The following BRCA1 variants were observed in gnomAD, a reference collection of about 807,000 sequenced individuals.
BRCA1 encodes the protein breast cancer type 1 susceptibility protein.
BRCA1 carries 140 observed loss-of-function variants against 173.7 expected under a neutral mutation model. The ratio of observed to expected loss-of-function variants is 0.81; its 90% CI spans 0.70 to 0.93. BRCA1 has a LOEUF of 0.93. Among genes scored for constraint, BRCA1 ranks in the 40% least tolerant of loss-of-function variants. The pLI, the probability that BRCA1 is intolerant of heterozygous loss-of-function variation, is 0.00. For synonymous variants in BRCA1, 662 were observed against 756.0 expected, an observed-to-expected ratio of 0.88 and a Z score of 2.04; for missense variants, 1,983 against 2,172.5, an observed-to-expected ratio of 0.91 and a Z score of 1.73.
upstream of BRCA1, among the ~76,000 whole-genome samples, chr17:43,129,906 C>G (rs145285878): frequency 1.4e-4 from 22 of 152,260 alleles, no homozygotes; most frequent in East Asian, 2.3e-3. Context: ...CAAATTTTAA[C>G]GACCCCAGTA....
At chr17:43,064,047 C>G in intron 16 of BRCA1, 96 bp from the exon 17 acceptor site, 2 of 962,722 alleles carry the variant, frequency 2.1e-6, no homozygotes, top group Non-Finnish European at 3.3e-6. Flanking sequence ...TTTACACTCC[C>G]AAGATCAATC....
rs773524529 is a variant in BRCA1 at position 43,071,145 on chromosome 17, A to G, written c.4769T>C (p.Val1590Ala). Residue 1590 changes from valine to alanine, a missense_variant, in exon 15 of 23, where the codon GTT (valine) becomes GCT (alanine). By Grantham distance (64) the Val-to-Ala change is moderately conservative (BLOSUM62 0). Transcript: ENST00000357654. ...SEDRAPESAR[V>A]GNIPSSTSAL... The stretch of plus-strand genomic sequence containing the variant: ...AGAGGTTGAAGATGGTATGTTGCCA[A>G]CACGAGCTGACTCTGGGGCTCTGTC... 6.2e-7 allele frequency: 1 copy of G among 1,614,246 alleles called. No homozygotes were observed. Among genetic ancestry groups the G allele is most frequent in the South Asian group, 1.1e-5 (1 of 91,088 alleles).
intron 1 of BRCA1, chr17:43,165,768 G>T (rs2056262663): frequency 7.3e-6 from 1 of 136,358 alleles, no homozygotes; most frequent in Admixed American, 7.6e-5. Context: ...CTTTTCCAAA[G>T]CGAACCTTTT....
At chr17:43,140,047 A>T (rs2056064096) in intron 1 of BRCA1, 3 of 396,732 alleles carry the variant, frequency 7.6e-6, no homozygotes, top group South Asian at 1.8e-5. Flanking sequence ...AAAATACCTA[A>T]CTATGGTTGG....
At position 43,091,915 on chromosome 17, in the gene BRCA1, C is replaced by T. The variant is rs1555587407; in HGVS notation, c.3616G>A (p.Ala1206Thr). ...THLAQGYRRG[A>T]KKLESSEENL... ...TCTTCTGAGGACTCTAATTTCTTGGCCCCTCTTCGGTAACCCTGAGCCAAA... is the reference window on the plus strand; with the variant it reads ...TCTTCTGAGGACTCTAATTTCTTGGTCCCTCTTCGGTAACCCTGAGCCAAA... The change falls in exon 10 of 23, where the codon GCC (alanine) becomes ACC (threonine). Residue 1206 changes from alanine to threonine, a missense_variant. Transcript: ENST00000357654. 1.2e-6 allele frequency: 2 copies of T among 1,614,122 alleles called. No homozygotes were observed. Among genetic ancestry groups the T allele is most frequent in the East Asian group, 2.2e-5 (1 of 44,880 alleles).
At chr17:43,072,029 T>A (rs1290563616) in intron 14 of BRCA1, among the ~76,000 whole-genome samples, 1 of 149,894 alleles carries the variant, frequency 6.7e-6, no homozygotes, top group Non-Finnish European at 1.5e-5. Flanking sequence ...TAAATAAAAA[T>A]AAATAAATAA....
rs1294360179 is a variant in BRCA1 at position 43,091,998 on chromosome 17, C to T, written c.3533G>A (p.Ser1178Asn). 2 of 1,613,934 alleles carry T rather than the reference C, an allele frequency of 1.2e-6. No homozygotes were observed. Among genetic ancestry groups the T allele is most frequent in the African/African-American group, 2.7e-5 (2 of 74,918 alleles). ...NDIKESSAVFSKSVQKGELSR... is the reference protein window; with the variant it reads ...NDIKESSAVFNKSVQKGELSR... Reference sequence around the variant, plus strand: ...AAGCTCTCCTTTCTGGACGCTTTTGCTAAAAACAGCAGAACTTTCCTTAAT... The same window carrying T: ...AAGCTCTCCTTTCTGGACGCTTTTGTTAAAAACAGCAGAACTTTCCTTAAT... The change falls in exon 10 of 23, where the codon AGC (serine) becomes AAC (asparagine). Residue 1178 changes from serine to asparagine, a missense_variant. Transcript: ENST00000357654.
rs8176116 is a variant in BRCA1 at position 43,111,828 on chromosome 17, A to C, written c.134+3898T>G. Among the ~76,000 whole-genome samples the C allele has an allele frequency of 5.2e-3, 791 of 152,264 alleles. 3 individuals carry two copies. Among genetic ancestry groups the C allele is most frequent in the African/African-American group, 0.013 (547 of 41,544 alleles). On this transcript the variant is annotated intron_variant, in intron 3 of 22. Coordinates refer to ENST00000357654, the MANE Select transcript of BRCA1 (RefSeq NM_007294.4). The stretch of plus-strand genomic sequence containing the variant: ...CAGAGCGAGACTCCGTCTCAAAACA[A>C]AACAAACAAAAACAAACAAACAAAC...
chr17:43,139,386 T>G (rs931772437), intron 1 of BRCA1, among the ~76,000 whole-genome samples: 2 of 151,684 alleles, frequency 1.3e-5, no homozygotes, highest in Non-Finnish European at 1.5e-5. Context: ...TTTTTTGAGA[T>G]AGAGTCTCGC....
At chr17:43,139,575 C>T (rs1432668395) in intron 1 of BRCA1, among the ~76,000 whole-genome samples, 3 of 152,004 alleles carry the variant, frequency 2.0e-5, no homozygotes, top group African/African-American at 7.2e-5. Flanking sequence ...AGGCTGGTCT[C>T]GAACTCCTGA....
At chr17:43,162,258 G>T (rs2056241104) in intron 1 of BRCA1, 1 of 152,148 alleles carries the variant, frequency 6.6e-6, no homozygotes, top group African/African-American at 2.4e-5. Flanking sequence ...ATTTATGACA[G>T]ATGTACTTAT....
intron 1 of BRCA1, chr17:43,163,878 C>G (rs561814197): frequency 6.6e-6 from 1 of 152,350 alleles, no homozygotes; most frequent in South Asian, 2.1e-4. Flanking sequence ...GGATGGCCCT[C>G]GGGGGCTGAC....
chr17:43,097,144 T>C, intron 8 of BRCA1, 100 bp downstream of exon 8: 1 of 1,248,766 alleles, frequency 8.0e-7, no homozygotes, highest in South Asian at 1.3e-5. Context: ...GAACCTAAAA[T>C]AAAAGTTAAA....
intron 21 of BRCA1, 63 bp downstream of exon 21, chr17:43,049,058 C>A (rs2152901037): frequency 6.7e-7 from 1 of 1,487,848 alleles, no homozygotes; most frequent in Non-Finnish European, 9.4e-7. Flanking sequence ...CTGACAGGTG[C>A]CAGTCTTGCT....
intron 1 of BRCA1, chr17:43,161,405 GA>G (rs2056234974): frequency 6.6e-6 from 1 of 152,180 alleles, no homozygotes; most frequent in South Asian, 2.1e-4. Flanking sequence ...CTTTTCACGG[GA>G]AGCATAGACA....
chr17:43,158,189 G>T (rs917555050), intron 1 of BRCA1, among the ~76,000 whole-genome samples: 1 of 151,964 alleles, frequency 6.6e-6, no homozygotes, highest in African/African-American at 2.4e-5. Context: ...CTATTTTTAT[G>T]ACTCTGTCCC....
At chr17:43,056,655 GGAGTGA>G (rs1324101859) in intron 19 of BRCA1, among the ~76,000 whole-genome samples, 2 of 151,462 alleles carry the variant, frequency 1.3e-5, no homozygotes, top group Admixed American at 6.6e-5. Context: ...CCTGGGCAAT[GGAGTGA>G]GACTCCGTCT....
chr17:43,157,078 G>C (rs2056201845), intron 1 of BRCA1, among the ~76,000 whole-genome samples: 1 of 152,114 alleles, frequency 6.6e-6, no homozygotes, highest in Non-Finnish European at 1.5e-5. Flanking sequence ...CAACCCACCG[G>C]GGAACACATT....
chr17:43,048,348 G>A (rs1033259720), intron 21 of BRCA1, among the ~76,000 whole-genome samples: 1 of 151,724 alleles, frequency 6.6e-6, no homozygotes, highest in East Asian at 1.9e-4. Flanking sequence ...GACTACAGGC[G>A]TGCGCCCCTA....
Sources: gnomAD v4.1 joint callset for allele counts (sites outside exome capture counted in the v4.1 genomes callset) on GRCh38, gnomAD v4.1.1 for gene constraint, MANE v1.5 for transcripts, NCBI Gene and HGNC (gene_info 2026-07-23, HGNC 2026-07-21) for gene names.